The following NCOA1 variants were observed in gnomAD, a reference collection of about 807,000 sequenced individuals.
NCOA1 encodes nuclear receptor coactivator 1.
In NCOA1, 35 loss-of-function variants were observed where a neutral mutation model predicts 150.9. That is an observed-to-expected ratio of 0.23 (90% CI 0.18 to 0.31). NCOA1 has a LOEUF of 0.31. Ranked by LOEUF, NCOA1 falls within the 10% of genes least tolerant of loss-of-function variation. The probability of loss-of-function intolerance (pLI) is 1.00; values close to 1 mark genes in which losing one functional copy is unlikely to be tolerated. For synonymous variants in NCOA1, 590 were observed against 630.0 expected (o/e 0.94, Z 0.95); for missense variants, 1,491 against 1,749.3 (o/e 0.85, Z 2.63).
At position 24,742,129 on chromosome 2, in the gene NCOA1, T is replaced by G. The variant is rs1259988236; in HGVS notation, c.3649T>G (p.Phe1217Val). The G allele has an allele frequency of 2.5e-6, 4 of 1,614,078 alleles. No individual in the cohort carries two copies. In the Admixed American group the frequency reaches 6.7e-5, roughly 27 times the overall value. The change falls in exon 19 of 23, where the codon TTT (phenylalanine) becomes GTT (valine). Residue 1217 changes from phenylalanine (F) to valine (V), a missense_variant. Phe to Val is a conservative substitution (Grantham distance 50, BLOSUM62 -1). Coordinates refer to ENST00000348332, the MANE Select transcript of NCOA1 (RefSeq NM_003743.5). ...RGMTGNIGGQFGTGINPQMQQ... is the reference protein window; with the variant it reads ...RGMTGNIGGQVGTGINPQMQQ... The stretch of plus-strand genomic sequence containing the variant: ...CATGACAGGAAACATAGGAGGACAG[T>G]TTGGCACTGGAATCAATCCTCAGAT...
intron 3 of NCOA1, among the ~76,000 whole-genome samples, chr2:24,641,441 A>G (rs1321445564): frequency 6.6e-6 from 1 of 152,060 alleles, no homozygotes; most frequent in Non-Finnish European, 1.5e-5. Context: ...CATATTTATG[A>G]TTTCTGATGC....
At chr2:24,633,711 A>G (rs1669808642) in intron 3 of NCOA1, among the ~76,000 whole-genome samples, 1 of 152,196 alleles carries the variant, frequency 6.6e-6, no homozygotes, top group South Asian at 2.1e-4. Flanking sequence ...ATATGGGGAA[A>G]ATGGCTGTCT....
chr2:24,657,628 G>T (rs2148489952), intron 4 of NCOA1, among the ~76,000 whole-genome samples: 1 of 152,288 alleles, frequency 6.6e-6, no homozygotes, highest in Non-Finnish European at 1.5e-5. Context: ...AGCAGAGTCA[G>T]TTTTAAGACT....
intron 14 of NCOA1, among the ~76,000 whole-genome samples, chr2:24,715,310 T>C (rs1361542271): frequency 6.6e-6 from 1 of 152,080 alleles, no homozygotes; most frequent in Non-Finnish European, 1.5e-5. Flanking sequence ...GCAAAAATAA[T>C]AACAGTGAAT....
chr2:24,745,451 C>T (rs1189905477), intron 19 of NCOA1, among the ~76,000 whole-genome samples: 1 of 152,052 alleles, frequency 6.6e-6, no homozygotes, highest in Non-Finnish European at 1.5e-5. Context: ...CGTGAGCCAC[C>T]GTGCCTGGCC....
At position 24,537,922 on chromosome 2, in the gene NCOA1, A is replaced by G. The variant is rs1396464711; in HGVS notation, c.-395-26373A>G. 1.1e-4 allele frequency among the ~76,000 whole-genome samples: 17 copies of G among 152,220 alleles called. 1 individual carries two copies. The highest frequency in any genetic ancestry group is 2.2e-4 in the Non-Finnish European group (15 of 68,030). On this transcript the variant is annotated intron_variant, in intron 1 of 22. Transcript: ENST00000348332. ...TTTTGATTGCAATTCTGTATCTGCT[A>G]ACTTTTTGTGTCTAAGAAGGGGACA...
chr2:24,738,694 T>G (rs1222377850), intron 17 of NCOA1, among the ~76,000 whole-genome samples: 1 of 152,204 alleles, frequency 6.6e-6, no homozygotes, highest in Non-Finnish European at 1.5e-5. Flanking sequence ...AGTAAATAAA[T>G]CTGTTTTACC....
chr2:24,693,014 C>T (rs551571960), intron 9 of NCOA1, among the ~76,000 whole-genome samples: 1 of 152,172 alleles, frequency 6.6e-6, no homozygotes, highest in Non-Finnish European at 1.5e-5. Flanking sequence ...GCGCCCGCCA[C>T]CATGCCCGGC....
chr2:24,646,212 C>G (rs1048226697), intron 4 of NCOA1, among the ~76,000 whole-genome samples: 2 of 151,944 alleles, frequency 1.3e-5, no homozygotes, highest in African/African-American at 4.8e-5. Context: ...GCCCATTGCC[C>G]AGTTTCACCA....
intron 3 of NCOA1, among the ~76,000 whole-genome samples, chr2:24,606,080 AT>A (rs1048712812): frequency 1.3e-5 from 2 of 151,994 alleles, no homozygotes; most frequent in Non-Finnish European, 2.9e-5. Flanking sequence ...TCTCTTTAAG[AT>A]TTTTTTTAAA....
At chr2:24,492,488 AGAGGGAGACG>A (rs1242439412) in intron 1 of NCOA1, among the ~76,000 whole-genome samples, 3 of 152,172 alleles carry the variant, frequency 2.0e-5, no homozygotes, top group Admixed American at 6.5e-5. Flanking sequence ...TGACGACGTT[AGAGGGAGACG>A]GAGGGGTTGA....
chr2:24,598,208 C>G (rs1314840487), intron 3 of NCOA1, among the ~76,000 whole-genome samples: 1 of 152,120 alleles, frequency 6.6e-6, no homozygotes, highest in East Asian at 1.9e-4. Context: ...TATCTGGGTA[C>G]AATGCCTTAG....
chr2:24,760,531 ATCTTTGAATGT>A (rs1343194488), intron 21 of NCOA1, among the ~76,000 whole-genome samples: 1 of 152,002 alleles, frequency 6.6e-6, no homozygotes, highest in Non-Finnish European at 1.5e-5. Context: ...TTTCACCTTC[ATCTTTGAATGT>A]TCTTTCCCCT....
chr2:24,563,924 T>C (rs1443986667), intron 1 of NCOA1, among the ~76,000 whole-genome samples: 2 of 152,190 alleles, frequency 1.3e-5, no homozygotes, highest in African/African-American at 4.8e-5. Flanking sequence ...CTAGGAACCC[T>C]GTTTCCTTTT....
intron 2 of NCOA1, among the ~76,000 whole-genome samples, chr2:24,583,349 A>G (rs1667277790): frequency 1.3e-5 from 2 of 152,104 alleles, no homozygotes; most frequent in Non-Finnish European, 2.9e-5. Context: ...TCAAAACCAT[A>G]ATGAGGATTA....
chr2:24,742,257 C>T, intron 19 of NCOA1, 71 bp downstream of exon 19: 1 of 1,493,904 alleles, frequency 6.7e-7, no homozygotes, highest in Non-Finnish European at 9.0e-7. Flanking sequence ...ATCTTTATGT[C>T]TGTGCTTGGA....
chr2:24,585,878 CTG>C (rs919752177), intron 3 of NCOA1, among the ~76,000 whole-genome samples: 42 of 152,096 alleles, frequency 2.8e-4, no homozygotes, highest in African/African-American at 8.9e-4. Flanking sequence ...TTTTTCAAAA[CTG>C]TTTTATTCTT....
chr2:24,605,012 G>A (rs1026787389), intron 3 of NCOA1, among the ~76,000 whole-genome samples: 6 of 152,188 alleles, frequency 3.9e-5, no homozygotes, highest in Non-Finnish European at 8.8e-5. Context: ...TCAGGTAATA[G>A]GGAGATGGCT....
intron 19 of NCOA1, among the ~76,000 whole-genome samples, chr2:24,742,632 T>TG (rs1558332266): frequency 4.6e-5 from 7 of 151,520 alleles, no homozygotes; most frequent in African/African-American, 1.7e-4. Context: ...AATTTTTGTT[T>TG]TTTTTTTTTT....
Sources: allele counts gnomAD v4.1 joint callset (sites outside exome capture counted in the v4.1 genomes callset), GRCh38; gene constraint gnomAD v4.1.1; transcripts MANE v1.5; gene names NCBI Gene and HGNC (gene_info 2026-07-23, HGNC 2026-07-21).